Variants in CSMD1 observed in about 807,000 individuals in gnomAD.
The protein encoded by CSMD1 is CUB and sushi domain-containing protein 1.
In CSMD1, 213 loss-of-function variants were observed where a neutral mutation model predicts 417.5. The ratio of observed to expected loss-of-function variants is 0.51; its 90% CI spans 0.46 to 0.57. CSMD1 has a LOEUF of 0.57. Ranked by LOEUF, CSMD1 falls within the 20% of genes least tolerant of loss-of-function variation. The probability of loss-of-function intolerance (pLI) is 0.00; values close to 1 mark genes in which losing one functional copy is unlikely to be tolerated. For missense variants in CSMD1, 6,923 were observed against 4,529.7 expected (o/e 1.53, Z -15.17); for synonymous variants, 2,862 against 1,736.8 (o/e 1.65, Z -16.11).
chr8:4,871,571 T>A (rs751614920), intron 1 of CSMD1, among the ~76,000 whole-genome samples: 3 of 152,136 alleles, frequency 2.0e-5, no homozygotes, highest in Non-Finnish European at 4.4e-5. Context: ...GCTTTTATTA[T>A]TTTTGATAAG....
intron 1 of CSMD1, among the ~76,000 whole-genome samples, chr8:4,953,504 G>A (rs567193617): frequency 2.6e-5 from 4 of 152,016 alleles, no homozygotes; most frequent in South Asian, 2.1e-4. Context: ...CATCGTCCAC[G>A]GTGGCAAGTT....
At chr8:4,919,424 T>G (rs1806289416) in intron 1 of CSMD1, among the ~76,000 whole-genome samples, 1 of 152,186 alleles carries the variant, frequency 6.6e-6, no homozygotes, top group Non-Finnish European at 1.5e-5. Flanking sequence ...ATTTCCAATA[T>G]AATAACAAAA....
intron 3 of CSMD1, among the ~76,000 whole-genome samples, chr8:4,243,253 G>C (rs779156241): frequency 4.6e-5 from 7 of 152,104 alleles, no homozygotes; most frequent in Non-Finnish European, 8.8e-5. Flanking sequence ...CACCAGCTCA[G>C]GTATTTTCTT....
intron 3 of CSMD1, among the ~76,000 whole-genome samples, chr8:4,075,595 C>G (rs888993767): frequency 1.3e-5 from 2 of 152,108 alleles, no homozygotes; most frequent in Admixed American, 1.3e-4. Flanking sequence ...ATTCCTTGTT[C>G]TGCATAGCGG....
At chr8:4,308,077 T>C (rs1442028650) in intron 3 of CSMD1, among the ~76,000 whole-genome samples, 2 of 152,240 alleles carry the variant, frequency 1.3e-5, no homozygotes, top group African/African-American at 2.4e-5. Flanking sequence ...CACACTTTGG[T>C]CTTTATTCGA....
At chr8:3,392,148 C>G (rs1351361979) in intron 17 of CSMD1, among the ~76,000 whole-genome samples, 2 of 151,232 alleles carry the variant, frequency 1.3e-5, no homozygotes, top group African/African-American at 2.4e-5. Flanking sequence ...GGAGATATAC[C>G]TAATGTTAAA....
At chr8:4,075,133 T>A (rs1003477731) in intron 3 of CSMD1, among the ~76,000 whole-genome samples, 1 of 152,172 alleles carries the variant, frequency 6.6e-6, no homozygotes, top group Non-Finnish European at 1.5e-5. Context: ...ATCAAAATGA[T>A]ACGAAAAACT....
chr8:4,271,137 T>G (rs1278689891), intron 3 of CSMD1, among the ~76,000 whole-genome samples: 1 of 152,208 alleles, frequency 6.6e-6, no homozygotes, highest in African/African-American at 2.4e-5. Context: ...GAGCTTACTC[T>G]GAATTATTGT....
At chr8:3,800,714 G>T (rs941648620) in intron 5 of CSMD1, among the ~76,000 whole-genome samples, 1 of 152,132 alleles carries the variant, frequency 6.6e-6, no homozygotes, top group Non-Finnish European at 1.5e-5. Context: ...GACAAGGTAA[G>T]AACAGTTCTT....
At chr8:4,787,031 G>T (rs79416310) in intron 1 of CSMD1, among the ~76,000 whole-genome samples, 2 of 152,224 alleles carry the variant, frequency 1.3e-5, no homozygotes, top group Admixed American at 1.3e-4. Context: ...GAAGCAGATA[G>T]AGCAGTCACC....
intron 40 of CSMD1, among the ~76,000 whole-genome samples, chr8:3,146,122 AG>A (rs1195312292): frequency 6.6e-6 from 1 of 152,222 alleles, no homozygotes; most frequent in Non-Finnish European, 1.5e-5. Flanking sequence ...GTTTCTAGAA[AG>A]TCTGATGGCA....
At chr8:3,924,250 T>C (rs965933853) in intron 5 of CSMD1, among the ~76,000 whole-genome samples, 9 of 152,226 alleles carry the variant, frequency 5.9e-5, no homozygotes, top group African/African-American at 1.9e-4. Context: ...CTGATGTTCT[T>C]GTAGGGATAC....
At chr8:4,213,752 C>G (rs574016391) in intron 3 of CSMD1, among the ~76,000 whole-genome samples, 1 of 152,128 alleles carries the variant, frequency 6.6e-6, no homozygotes, top group African/African-American at 2.4e-5. Flanking sequence ...TAGAACATGG[C>G]TGAGATGGGG....
At chr8:3,146,802 G>C (rs921013066) in intron 40 of CSMD1, among the ~76,000 whole-genome samples, 1 of 152,174 alleles carries the variant, frequency 6.6e-6, no homozygotes, top group Non-Finnish European at 1.5e-5. Context: ...AATCGCTTTT[G>C]CTTATTTAAA....
chr8:4,747,909 T>G (rs190864619), intron 1 of CSMD1, among the ~76,000 whole-genome samples: 54 of 152,350 alleles, frequency 3.5e-4, no homozygotes, highest in African/African-American at 1.3e-3. Flanking sequence ...CAAAGGATAA[T>G]CAATGACAAA....
rs769275229 is a variant in CSMD1 at position 4,249,681 on chromosome 8, C to A, written c.415+170272G>T. Among the ~76,000 whole-genome samples, 4 of 152,132 alleles carry A rather than the reference C, an allele frequency of 2.6e-5. No homozygotes were observed. The South Asian group carries it at 8.3e-4, about 31-fold the overall frequency. ...AGAGCTGCCAGCTCTCTTCTCCTAC[C>A]GCTGTTGTAGCGAAATAAAGCTGGA... On this transcript the variant is annotated intron_variant, in intron 3 of 69. Transcript: ENST00000635120.
At chr8:4,734,830 C>G (rs138209179) in intron 1 of CSMD1, among the ~76,000 whole-genome samples, 1 of 152,092 alleles carries the variant, frequency 6.6e-6, no homozygotes, top group South Asian at 2.1e-4. Flanking sequence ...TCAGTCTTGG[C>G]TCTGTGGACT....
intron 12 of CSMD1, among the ~76,000 whole-genome samples, chr8:3,455,995 C>G (rs1228487212): frequency 2.0e-5 from 3 of 152,178 alleles, no homozygotes; most frequent in Middle Eastern, 3.4e-3. Context: ...TTTACCTACT[C>G]AAGCCTGGGC....
chr8:3,873,302 C>T (rs925053768), intron 5 of CSMD1, among the ~76,000 whole-genome samples: 1 of 151,952 alleles, frequency 6.6e-6, no homozygotes, highest in African/African-American at 2.4e-5. Flanking sequence ...TGGAATCAAC[C>T]TAAATGCCCA....
Sources: gnomAD v4.1 joint callset for allele counts (sites outside exome capture counted in the v4.1 genomes callset) on GRCh38, gnomAD v4.1.1 for gene constraint, MANE v1.5 for transcripts, NCBI Gene and HGNC (gene_info 2026-07-23, HGNC 2026-07-21) for gene names.